MARCHF1: variants seen among roughly 807,000 people sequenced by gnomAD.
MARCHF1 encodes the protein E3 ubiquitin-protein ligase MARCHF1.
MARCHF1 carries 40 observed loss-of-function variants against 54.2 expected under a neutral mutation model. The observed-to-expected ratio is 0.74, with a 90% confidence interval of 0.57 to 0.96. MARCHF1 has a LOEUF of 0.96. Among genes scored for constraint, MARCHF1 ranks in the 40% least tolerant of loss-of-function variants. MARCHF1 has a pLI of 0.00. For missense variants in MARCHF1, 586 were observed against 656.5 expected, an observed-to-expected ratio of 0.89 and a Z score of 1.17; for synonymous variants, 236 against 236.3, an observed-to-expected ratio of 1.00 and a Z score of 0.01.
chr4:163,643,563 T>C (rs764533121), intron 5 of MARCHF1, among the ~76,000 whole-genome samples: 1 of 152,132 alleles, frequency 6.6e-6, no homozygotes, highest in Non-Finnish European at 1.5e-5. Context: ...TTTAACATTT[T>C]GTTTTTCTCC....
chr4:164,338,981 T>A (rs895059022), intron 1 of MARCHF1, among the ~76,000 whole-genome samples: 23 of 151,192 alleles, frequency 1.5e-4, no homozygotes, highest in Admixed American at 2.6e-4. Flanking sequence ...TCAAAAAAAA[T>A]AAATAAATAA....
rs926430693 is a variant in MARCHF1 at position 163,854,104 on chromosome 4, G to A, written c.28C>T (p.Arg10Cys). 3.4e-5 allele frequency: 52 copies of A among 1,536,394 alleles called. No homozygotes were observed. The East Asian group carries it at 7.6e-4, about 22-fold the overall frequency. MLGWCEAIA[R>C]NPHRIPNNTR... The stretch of plus-strand genomic sequence containing the variant: ...TTGTTTGGAATTCTGTGAGGGTTAC[G>A]GGCTATCGCTTCACACCAGCCCAGC... Residue 10 changes from arginine (R) to cysteine (C), a missense_variant, in exon 4 of 10, where the codon CGT becomes TGT. By Grantham distance (180) the Arg-to-Cys change is radical. Transcript: ENST00000514618.
chr4:164,142,136 G>A (rs1756555845), intron 1 of MARCHF1, among the ~76,000 whole-genome samples: 1 of 152,230 alleles, frequency 6.6e-6, no homozygotes, highest in Admixed American at 6.5e-5. Context: ...CAGCGCACCT[G>A]GAGAATATAT....
chr4:164,312,794 T>C (rs1734896917), intron 1 of MARCHF1, among the ~76,000 whole-genome samples: 1 of 152,132 alleles, frequency 6.6e-6, no homozygotes, highest in Admixed American at 6.5e-5. Flanking sequence ...CAAATTGAAT[T>C]CAAGATGCAT....
At chr4:163,975,266 A>C (rs1382093119) in intron 3 of MARCHF1, among the ~76,000 whole-genome samples, 2 of 151,354 alleles carry the variant, frequency 1.3e-5, no homozygotes, top group African/African-American at 4.9e-5. Context: ...AACTCTGACT[A>C]ATGCAGACTT....
rs1287656013 is a variant in MARCHF1, at chr4:163,586,926, C to T, written c.1011-997G>A. ...GATATGTTCTTAGGAAGAAGCACAC[C>T]TATTTGGTTACAACAAATGGTCTAA... is the stretch of plus-strand genomic sequence containing the variant. On this transcript the variant is annotated intron_variant, in intron 7 of 9. Coordinates refer to ENST00000514618, the MANE Select transcript of MARCHF1 (RefSeq NM_001394959.1). Among the ~76,000 whole-genome samples, 42 of 152,124 alleles carry T rather than the reference C, an allele frequency of 2.8e-4. 1 individual carries two copies. The highest frequency in any genetic ancestry group is 2.8e-3 in the Admixed American group (42 of 15,272).
rs770402043 is a variant in MARCHF1 at position 163,970,122 on chromosome 4, AC to A, written c.-39+18378del. Among the ~76,000 whole-genome samples the A allele has an allele frequency of 3.5e-4, 53 of 152,206 alleles. 1 individual carries two copies. Among genetic ancestry groups the A allele is most frequent in the Non-Finnish European group, 5.9e-4 (40 of 68,034 alleles). On this transcript the variant is annotated intron_variant, in intron 3 of 9. Transcript: ENST00000514618. ...ACTTAGACTACTCTCACACATGATA[AC>A]TTTCAAGGTTCTCTTCATGACATTT...
chr4:164,194,756 A>G (rs1424151307), intron 1 of MARCHF1, among the ~76,000 whole-genome samples: 1 of 152,132 alleles, frequency 6.6e-6, no homozygotes. Flanking sequence ...CAGAAATTCT[A>G]AAGTAAATTG....
chr4:164,226,616 CAT>C (rs1732262263), intron 1 of MARCHF1, among the ~76,000 whole-genome samples: 1 of 151,796 alleles, frequency 6.6e-6, no homozygotes, highest in Admixed American at 6.6e-5. Flanking sequence ...CATTTATATA[CAT>C]GTTTATATGT....
At chr4:164,017,746 G>A (rs1321475148) in intron 2 of MARCHF1, among the ~76,000 whole-genome samples, 1 of 150,520 alleles carries the variant, frequency 6.6e-6, no homozygotes, top group Admixed American at 6.6e-5. Flanking sequence ...TAGATTCAAT[G>A]CAGTAACAAG....
At chr4:164,183,127 A>G (rs1482850643) in intron 1 of MARCHF1, among the ~76,000 whole-genome samples, 4 of 152,066 alleles carry the variant, frequency 2.6e-5, no homozygotes, top group Non-Finnish European at 5.9e-5. Context: ...TGATCACTAA[A>G]TTTTAACAGG....
At chr4:163,872,358 A>G (rs929945688) in intron 3 of MARCHF1, among the ~76,000 whole-genome samples, 1 of 152,250 alleles carries the variant, frequency 6.6e-6, no homozygotes, top group African/African-American at 2.4e-5. Flanking sequence ...TGAACCTTTG[A>G]AAAATGGTCA....
chr4:163,675,500 C>T (rs889641280), intron 5 of MARCHF1, among the ~76,000 whole-genome samples: 1 of 151,990 alleles, frequency 6.6e-6, no homozygotes, highest in Non-Finnish European at 1.5e-5. Context: ...TTGCTAGGAC[C>T]CGATTAAACT....
chr4:164,369,131 C>G (rs1163123644), intron 1 of MARCHF1, among the ~76,000 whole-genome samples: 1 of 152,050 alleles, frequency 6.6e-6, no homozygotes, highest in Non-Finnish European at 1.5e-5. Flanking sequence ...TGGTTTAACC[C>G]GGGTCTAGGT....
At chr4:163,679,903 A>G (rs1415146991) in intron 5 of MARCHF1, among the ~76,000 whole-genome samples, 2 of 151,428 alleles carry the variant, frequency 1.3e-5, no homozygotes, top group Non-Finnish European at 2.9e-5. Context: ...CCCGGCCTTT[A>G]TCTCCGCTTC....
intron 3 of MARCHF1, among the ~76,000 whole-genome samples, chr4:163,894,871 A>G (rs1450328607): frequency 5.9e-5 from 5 of 84,890 alleles, no homozygotes; most frequent in African/African-American, 2.0e-4. Context: ...ATGCATATAT[A>G]TATGCATGTG....
intron 8 of MARCHF1, among the ~76,000 whole-genome samples, chr4:163,578,446 T>C (rs1446106980): frequency 1.3e-5 from 2 of 152,124 alleles, no homozygotes; most frequent in Non-Finnish European, 2.9e-5. Flanking sequence ...CAATTATTAT[T>C]CAGCAGTTGT....
At chr4:164,091,859 CTT>C (rs1420361005) in intron 2 of MARCHF1, among the ~76,000 whole-genome samples, 3 of 64,604 alleles carry the variant, frequency 4.6e-5, no homozygotes, top group Admixed American at 2.0e-4. Flanking sequence ...TATATGTATA[CTT>C]TTGTGTGTGT....
intron 2 of MARCHF1, among the ~76,000 whole-genome samples, chr4:164,030,480 T>A (rs2110990857): frequency 6.6e-6 from 1 of 152,314 alleles, no homozygotes; most frequent in South Asian, 2.1e-4. Flanking sequence ...TGCTTCAAGA[T>A]CAAACTCATT....
Sources: allele counts gnomAD v4.1 joint callset (sites outside exome capture counted in the v4.1 genomes callset), GRCh38; gene constraint gnomAD v4.1.1; transcripts MANE v1.5; gene names NCBI Gene and HGNC (gene_info 2026-07-23, HGNC 2026-07-21).